The following GNAQ variants were observed in gnomAD, a reference collection of about 807,000 sequenced individuals.
The protein encoded by GNAQ is guanine nucleotide-binding protein G(q) subunit alpha.
Under a neutral mutation model 43.9 loss-of-function variants are expected in GNAQ, and 8 were observed. The observed-to-expected ratio is 0.18, with a 90% confidence interval of 0.11 to 0.33. GNAQ has a LOEUF of 0.33. GNAQ is among the 10% of genes least tolerant of loss of function. The pLI, the probability that GNAQ is intolerant of heterozygous loss-of-function variation, is 1.00. For missense variants in GNAQ, 158 were observed against 450.8 expected (o/e 0.35, Z 5.88); for synonymous variants, 155 against 170.7 (o/e 0.91, Z 0.71).
At chr9:77,786,425 G>A (rs1826480440) in intron 5 of GNAQ, among the ~76,000 whole-genome samples, 1 of 151,474 alleles carries the variant, frequency 6.6e-6, no homozygotes, top group African/African-American at 2.4e-5. Context: ...AGAGAACTAA[G>A]AGGTAGTGAA....
At chr9:77,742,011 T>C (rs755268972) in intron 5 of GNAQ, among the ~76,000 whole-genome samples, 8 of 152,230 alleles carry the variant, frequency 5.3e-5, no homozygotes, top group African/African-American at 1.2e-4. Flanking sequence ...TAGACTTCAG[T>C]GATTTATTTT....
intron 1 of GNAQ, chr9:78,030,500 A>G (rs150902973): frequency 2.1e-6 from 1 of 470,272 alleles, no homozygotes; most frequent in East Asian, 7.0e-5. Context: ...AGGGCCAACC[A>G]CTTGGCTTCC....
chr9:77,920,222 A>G (rs1286077950), intron 2 of GNAQ, among the ~76,000 whole-genome samples: 2 of 152,162 alleles, frequency 1.3e-5, no homozygotes, highest in African/African-American at 4.8e-5. Context: ...CATAAATTCC[A>G]CCCCATCTTT....
At chr9:77,769,376 C>A (rs1395188396) in intron 5 of GNAQ, among the ~76,000 whole-genome samples, 1 of 150,750 alleles carries the variant, frequency 6.6e-6, no homozygotes, top group Non-Finnish European at 1.5e-5. Context: ...TGCACTCCAG[C>A]CTGGGTGACA....
intron 2 of GNAQ, among the ~76,000 whole-genome samples, chr9:77,884,427 A>C (rs1371310509): frequency 6.6e-6 from 1 of 152,256 alleles, no homozygotes; most frequent in Non-Finnish European, 1.5e-5. Flanking sequence ...AACCAAAAGA[A>C]GGCTTATTTC....
chr9:77,785,991 TCAAC>T (rs1252428112), intron 5 of GNAQ, among the ~76,000 whole-genome samples: 2 of 152,106 alleles, frequency 1.3e-5, no homozygotes, highest in African/African-American at 4.8e-5. Flanking sequence ...CAGAAGCAGA[TCAAC>T]CAAATAGCCC....
At chr9:78,001,034 TAAAC>T (rs1346568410) in intron 1 of GNAQ, among the ~76,000 whole-genome samples, 2 of 152,000 alleles carry the variant, frequency 1.3e-5, no homozygotes, top group Non-Finnish European at 2.9e-5. Flanking sequence ...ATAAAGAAAT[TAAAC>T]AAAGGCATTT....
intron 5 of GNAQ, among the ~76,000 whole-genome samples, chr9:77,792,123 G>C (rs1414394035): frequency 2.0e-5 from 3 of 152,108 alleles, no homozygotes; most frequent in Non-Finnish European, 4.4e-5. Flanking sequence ...GGCTAATATG[G>C]ATGAAGGAAT....
rs191288249 is a variant in GNAQ, at chr9:77,817,149, C to T, written c.322-1379G>A. Among the ~76,000 whole-genome samples, 838 of 152,290 alleles carry T rather than the reference C, an allele frequency of 5.5e-3. 6 individuals carry two copies. Among genetic ancestry groups the T allele is most frequent in the Non-Finnish European group, 8.8e-3 (597 of 68,024 alleles). On this transcript the variant is annotated intron_variant, in intron 2 of 6. Transcript: ENST00000286548. ...CCTGGAGTCCTGTTCCTGAATCCCACGCCAGGTGGGGCCCACCTCAATCAT... is the reference window on the plus strand; with the variant it reads ...CCTGGAGTCCTGTTCCTGAATCCCATGCCAGGTGGGGCCCACCTCAATCAT...
At chr9:77,767,102 T>C (rs1363996278) in intron 5 of GNAQ, among the ~76,000 whole-genome samples, 1 of 152,098 alleles carries the variant, frequency 6.6e-6, no homozygotes, top group East Asian at 1.9e-4. Context: ...ATAAACCAAA[T>C]AAATGAACCT....
rs56358201 is a variant in GNAQ at position 77,999,092 on chromosome 9, CAAAAAAAAAAA to C, written c.136+31997_136+32007del. 1.5e-4 allele frequency among the ~76,000 whole-genome samples: 8 copies of C among 52,590 alleles called. No individual in the cohort carries two copies. The South Asian group carries it at 3.0e-3, about 20-fold the overall frequency. The allele number at this position is 52,590 out of a possible 152,430, so 34.5% of individuals were successfully genotyped here. A position where few individuals can be genotyped will look rare whatever the true frequency, so the allele number is the denominator to read the frequency against. The stretch of plus-strand genomic sequence containing the variant: ...GGGCAACAAGAGTGAAACTCTGTCT[CAAAAAAAAAAA>C]AAAAAAAAAAAAAAAGACTTACAGA... On this transcript the variant is annotated intron_variant, in intron 1 of 6. Transcript: ENST00000286548.
chr9:77,930,696 T>C (rs964084174), intron 1 of GNAQ, among the ~76,000 whole-genome samples: 1 of 152,218 alleles, frequency 6.6e-6, no homozygotes, highest in African/African-American at 2.4e-5. Flanking sequence ...AGTCATTACA[T>C]ACTTTAAGGT....
chr9:77,762,360 GGC>G (rs1826053044), intron 5 of GNAQ, among the ~76,000 whole-genome samples: 1 of 140,024 alleles, frequency 7.1e-6, no homozygotes, highest in African/African-American at 2.8e-5. Flanking sequence ...GCCTCTGCCC[GGC>G]CGCCCCTACT....
intron 1 of GNAQ, among the ~76,000 whole-genome samples, chr9:77,930,999 T>C (rs1289779523): frequency 6.6e-6 from 1 of 151,974 alleles, no homozygotes; most frequent in East Asian, 2.0e-4. Context: ...TACATGTTCC[T>C]TGTAAGAATT....
rs1190861716 is a variant in GNAQ, at chr9:78,031,685, G to A, written c.-450C>T. On this transcript the variant is annotated 5_prime_UTR_variant, in exon 1 of 7. Transcript: ENST00000286548. ...GGTGTCCCCGCAGCGAGCGGCCGCCGACGGCTCCCCGCGCCCGGCGCGCCC... is the reference window on the plus strand; with the variant it reads ...GGTGTCCCCGCAGCGAGCGGCCGCCAACGGCTCCCCGCGCCCGGCGCGCCC... 2.7e-5 allele frequency among the ~76,000 whole-genome samples: 4 copies of A among 147,398 alleles called. No individual in the cohort carries two copies. The highest frequency in any genetic ancestry group is 4.2e-4 in the South Asian group (2 of 4,816).
Position 78,031,697 on chromosome 9 carries a change from C to A in GNAQ, c.-462G>T, listed in dbSNP as rs1824065046. 6.8e-6 allele frequency among the ~76,000 whole-genome samples: 1 copy of A among 147,470 alleles called. No homozygotes were observed. The highest frequency in any genetic ancestry group is 1.5e-5 in the Non-Finnish European group (1 of 66,226). On this transcript the variant is annotated 5_prime_UTR_variant, in exon 1 of 7. Coordinates refer to ENST00000286548, the MANE Select transcript of GNAQ (RefSeq NM_002072.5). ...GCGAGCGGCCGCCGACGGCTCCCCG[C>A]GCCCGGCGCGCCCGCTCCTCGCCGC... is the stretch of plus-strand genomic sequence containing the variant.
intron 2 of GNAQ, among the ~76,000 whole-genome samples, chr9:77,875,339 A>G (rs1044798762): frequency 3.3e-5 from 5 of 152,224 alleles, no homozygotes; most frequent in Non-Finnish European, 5.9e-5. Context: ...AATAAGTGTA[A>G]ACATAAATAT....
chr9:77,813,487 G>T (rs1482826555), intron 3 of GNAQ, among the ~76,000 whole-genome samples: 1 of 152,174 alleles, frequency 6.6e-6, no homozygotes, highest in African/African-American at 2.4e-5. Flanking sequence ...AAGCAAGTTA[G>T]ATATGGCAGC....
intron 1 of GNAQ, among the ~76,000 whole-genome samples, chr9:78,017,307 C>T (rs1036497183): frequency 6.6e-6 from 1 of 152,120 alleles, no homozygotes; most frequent in East Asian, 1.9e-4. Flanking sequence ...AACTGGCTTT[C>T]GTGAGCAGGT....
Sources: gnomAD v4.1 joint callset for allele counts (sites outside exome capture counted in the v4.1 genomes callset) on GRCh38, gnomAD v4.1.1 for gene constraint, MANE v1.5 for transcripts, NCBI Gene and HGNC (gene_info 2026-07-23, HGNC 2026-07-21) for gene names.